ANKRD17: variants seen among roughly 807,000 people sequenced by gnomAD.
The protein encoded by ANKRD17 is ankyrin repeat domain 17.
Under a neutral mutation model 229.7 loss-of-function variants are expected in ANKRD17, and 19 were observed. The ratio of observed to expected loss-of-function variants is 0.08; its 90% CI spans 0.06 to 0.12. The LOEUF (loss-of-function observed/expected upper bound fraction) is 0.12, where lower values mean the gene tolerates loss of function less well. Ranked by LOEUF, ANKRD17 falls within the 10% of genes least tolerant of loss-of-function variation. ANKRD17 has a pLI of 1.00. For missense variants in ANKRD17, 2,176 were observed against 3,176.8 expected, an observed-to-expected ratio of 0.68 and a Z score of 7.57; for synonymous variants, 1,112 against 1,146.1, an observed-to-expected ratio of 0.97 and a Z score of 0.60.
intron 27 of ANKRD17, among the ~76,000 whole-genome samples, chr4:73,096,505 G>C (rs957130284): frequency 2.0e-5 from 3 of 152,138 alleles, no homozygotes; most frequent in Non-Finnish European, 2.9e-5. Flanking sequence ...ACTAAGTTTG[G>C]TTCACTATAG....
At chr4:73,093,664 G>A (rs1236805954) in intron 28 of ANKRD17, among the ~76,000 whole-genome samples, 5 of 152,050 alleles carry the variant, frequency 3.3e-5, no homozygotes, top group African/African-American at 4.8e-5. Flanking sequence ...GTGAGCCACC[G>A]TGCCCAGCCC....
chr4:73,103,827 G>GTC (rs148621021), intron 24 of ANKRD17, among the ~76,000 whole-genome samples: 1 of 148,804 alleles, frequency 6.7e-6, no homozygotes, highest in African/African-American at 2.5e-5. Context: ...AACCCTCTCC[G>GTC]GTTTTTTTTT....
chr4:73,179,507 T>C (rs1207766637), intron 1 of ANKRD17, among the ~76,000 whole-genome samples: 1 of 83,856 alleles, frequency 1.2e-5, no homozygotes, highest in Admixed American at 1.4e-4. Context: ...TATATATATA[T>C]ATATATATAT....
Position 73,092,082 on chromosome 4 carries a change from G to A in ANKRD17, c.5546C>T (p.Ala1849Val). Residue 1849 changes from alanine (A) to valine (V), a missense_variant, in exon 29 of 34, where the codon GCC (alanine) becomes GTC (valine). By Grantham distance (64) the Ala-to-Val change is moderately conservative (BLOSUM62 0). Around this residue, in one of 18 missense-constraint regions of ANKRD17, gnomAD observed 142 missense variants for 200.4 expected, o/e 0.71. Coordinates refer to ENST00000358602, the MANE Select transcript of ANKRD17 (RefSeq NM_032217.5). Reference protein sequence around the residue: ...TVALSSTSQTATALTVPAISS... With the variant: ...TVALSSTSQTVTALTVPAISS... ...AATTGCAGGCACAGTGAGTGCTGTG[G>A]CAGTTTGAGATGTTGATGACAGAGC... 1 of 1,614,222 alleles carries A rather than the reference G, an allele frequency of 6.2e-7. No homozygotes were observed. Among genetic ancestry groups the A allele is most frequent in the East Asian group, 2.2e-5 (1 of 44,888 alleles).
intron 1 of ANKRD17, among the ~76,000 whole-genome samples, chr4:73,187,876 G>A (rs990607208): frequency 2.6e-5 from 4 of 152,180 alleles, no homozygotes; most frequent in African/African-American, 4.8e-5. Flanking sequence ...TTCTAGGGCA[G>A]TGCTCCCCAA....
intron 16 of ANKRD17, among the ~76,000 whole-genome samples, chr4:73,130,647 G>A (rs1052688056): frequency 6.7e-6 from 1 of 149,498 alleles, no homozygotes; most frequent in African/African-American, 2.5e-5. Context: ...ACTAGAATAA[G>A]GTACTCCAAG....
intron 25 of ANKRD17, among the ~76,000 whole-genome samples, chr4:73,100,215 C>T (rs980833831): frequency 1.4e-4 from 21 of 152,216 alleles, no homozygotes; most frequent in African/African-American, 5.1e-4. Flanking sequence ...GATCCCCTCC[C>T]CTAAGATACT....
intron 2 of ANKRD17, among the ~76,000 whole-genome samples, chr4:73,171,207 G>C (rs1199800246): frequency 6.6e-6 from 1 of 151,340 alleles, no homozygotes; most frequent in African/African-American, 2.4e-5. Context: ...GAGAGAGAGA[G>C]AGAGAGAGAG....
At chr4:73,191,341 A>ATGTGTGTG (rs71655741) in intron 1 of ANKRD17, among the ~76,000 whole-genome samples, 16,556 of 125,088 alleles carry the variant, frequency 0.13, 1,250 homozygotes, top group East Asian at 0.16. Flanking sequence ...AAAAATATAT[A>ATGTGTGTG]TGTGTGTGTG....
intron 6 of ANKRD17, among the ~76,000 whole-genome samples, chr4:73,152,286 A>G (rs781627292): frequency 2.6e-5 from 4 of 152,184 alleles, no homozygotes; most frequent in African/African-American, 4.8e-5. Flanking sequence ...AGTCACAGGT[A>G]AACAATTAAA....
intron 29 of ANKRD17, among the ~76,000 whole-genome samples, chr4:73,088,323 A>G (rs1722413296): frequency 6.6e-6 from 1 of 152,206 alleles, no homozygotes; most frequent in South Asian, 2.1e-4. Flanking sequence ...TAAAAGGAGT[A>G]TCTTTAACTC....
chr4:73,220,299 T>C (rs1741678410), intron 1 of ANKRD17, among the ~76,000 whole-genome samples: 1 of 152,144 alleles, frequency 6.6e-6, no homozygotes, highest in African/African-American at 2.4e-5. Context: ...TAGTTCCTTT[T>C]ACAGAAGGTA....
At chr4:73,184,081 T>C (rs1393570605) in intron 1 of ANKRD17, among the ~76,000 whole-genome samples, 1 of 152,188 alleles carries the variant, frequency 6.6e-6, no homozygotes, top group Non-Finnish European at 1.5e-5. Context: ...CAAAGTCACA[T>C]GGAAATTTGG....
intron 25 of ANKRD17, chr4:73,101,211 C>T: frequency 1.0e-6 from 1 of 976,522 alleles, no homozygotes. Context: ...ATACTTCCAT[C>T]CCAAATAACC....
intron 12 of ANKRD17, 95 bp downstream of exon 12, chr4:73,142,545 G>T (rs1729744390): frequency 6.3e-7 from 1 of 1,591,218 alleles, no homozygotes; most frequent in African/African-American, 1.4e-5. Flanking sequence ...CACTTAGAAT[G>T]CCATTATGAA....
intron 27 of ANKRD17, among the ~76,000 whole-genome samples, chr4:73,095,620 A>AT: frequency 6.6e-6 from 1 of 151,396 alleles, no homozygotes. Flanking sequence ...AAAAAAAAAA[A>AT]GCAATATCCA....
At chr4:73,129,671 G>A (rs1727927061) in intron 16 of ANKRD17, among the ~76,000 whole-genome samples, 1 of 151,950 alleles carries the variant, frequency 6.6e-6, no homozygotes, top group Non-Finnish European at 1.5e-5. Flanking sequence ...AAGCTGTGAT[G>A]GTGCCACTGC....
At chr4:73,223,890 T>A (rs903748426) in intron 1 of ANKRD17, among the ~76,000 whole-genome samples, 2 of 152,176 alleles carry the variant, frequency 1.3e-5, no homozygotes, top group Non-Finnish European at 2.9e-5. Flanking sequence ...GATCTTCCAT[T>A]TAGTAAAACT....
At chr4:73,177,306 T>C in intron 2 of ANKRD17, 74 bp downstream of exon 2, 2 of 1,328,600 alleles carry the variant, frequency 1.5e-6, no homozygotes, top group Non-Finnish European at 2.0e-6. Context: ...CATTCATTTT[T>C]AACAAGAGCT....
Sources: allele counts gnomAD v4.1 joint callset (sites outside exome capture counted in the v4.1 genomes callset), GRCh38; gene constraint gnomAD v4.1.1; regional missense constraint gnomAD v4.1.1; transcripts MANE v1.5; gene names NCBI Gene and HGNC (gene_info 2026-07-23, HGNC 2026-07-21).